The following SAMD3 variants were observed in gnomAD, a reference collection of about 807,000 sequenced individuals.
SAMD3 encodes the protein sterile alpha motif domain-containing protein 3.
SAMD3 carries 63 observed loss-of-function variants against 58.5 expected under a neutral mutation model. That is an observed-to-expected ratio of 1.08 (90% CI 0.88 to 1.33). SAMD3 has a LOEUF of 1.33. SAMD3 is among the 40% of genes most tolerant of loss of function. The pLI is 0.00. For synonymous variants in SAMD3, 220 were observed against 210.3 expected (o/e 1.05, Z -0.40); for missense variants, 604 against 608.4 (o/e 0.99, Z 0.08).
intron 1 of SAMD3, among the ~76,000 whole-genome samples, chr6:130,334,730 G>A (rs1777049179): frequency 6.6e-6 from 1 of 152,146 alleles, no homozygotes; most frequent in Non-Finnish European, 1.5e-5. Flanking sequence ...AACAATGCTG[G>A]TTTCTTCCCC....
chr6:130,364,364 G>T (rs1424644262), intron 1 of SAMD3, among the ~76,000 whole-genome samples: 2 of 152,020 alleles, frequency 1.3e-5, no homozygotes, highest in Non-Finnish European at 2.9e-5. Context: ...TCTTAGAGAG[G>T]ATGTCACCTC....
intron 2 of SAMD3, among the ~76,000 whole-genome samples, chr6:130,272,659 A>C (rs899136074): frequency 6.6e-6 from 1 of 152,190 alleles, no homozygotes; most frequent in Non-Finnish European, 1.5e-5. Context: ...AGGTGGGATT[A>C]GTTTTTATTG....
chr6:130,164,629 T>C (rs1417231215), intron 8 of SAMD3, among the ~76,000 whole-genome samples: 1 of 152,092 alleles, frequency 6.6e-6, no homozygotes, highest in African/African-American at 2.4e-5. Flanking sequence ...CCCCACACTT[T>C]ATAGTGACAA....
chr6:130,202,207 C>T (rs1433337226), intron 5 of SAMD3, among the ~76,000 whole-genome samples: 1 of 152,152 alleles, frequency 6.6e-6, no homozygotes, highest in Non-Finnish European at 1.5e-5. Context: ...ATTAGGGTCC[C>T]TGCTCTAATA....
At chr6:130,243,431 AG>A (rs1773432827) in intron 2 of SAMD3, among the ~76,000 whole-genome samples, 1 of 152,178 alleles carries the variant, frequency 6.6e-6, no homozygotes, top group African/African-American at 2.4e-5. Flanking sequence ...AATACAAGAC[AG>A]AGGGGAAGAG....
At chr6:130,208,653 C>T (rs923302302) in intron 5 of SAMD3, among the ~76,000 whole-genome samples, 38 of 152,244 alleles carry the variant, frequency 2.5e-4, no homozygotes, top group African/African-American at 8.9e-4. Flanking sequence ...TTCCATCACC[C>T]CCAGATGGGA....
chr6:130,185,894 G>T lies in SAMD3; in HGVS notation c.384-1271C>A, dbSNP rs141619878. On this transcript the variant is annotated intron_variant, in intron 5 of 11. Transcript: ENST00000439090. Reference sequence around the variant, plus strand: ...GATCCTCTTGCTGTGGCTTCCCAAAGTGTCGGGATTACAGGCATGAGCCAA... The same window carrying T: ...GATCCTCTTGCTGTGGCTTCCCAAATTGTCGGGATTACAGGCATGAGCCAA... 3.5e-3 allele frequency among the ~76,000 whole-genome samples: 532 copies of T among 152,180 alleles called. 3 individuals are homozygous for T. Among genetic ancestry groups the T allele is most frequent in the African/African-American group, 0.011 (460 of 41,512 alleles).
chr6:130,217,825 C>T (rs1255073660), intron 1 of SAMD3, among the ~76,000 whole-genome samples: 1 of 152,178 alleles, frequency 6.6e-6, no homozygotes, highest in Admixed American at 6.5e-5. Flanking sequence ...CAAAAGATTC[C>T]TAAAAGTTTT....
intron 8 of SAMD3, among the ~76,000 whole-genome samples, chr6:130,157,264 TTA>T (rs1789876675): frequency 6.6e-6 from 1 of 151,778 alleles, no homozygotes; most frequent in Admixed American, 6.6e-5. Context: ...CCCTCTATGA[TTA>T]AAGAAAAAAA....
upstream of SAMD3, chr6:130,365,653 G>C: frequency 1.0e-6 from 1 of 985,432 alleles, no homozygotes. Context: ...AGCTAGAGGC[G>C]GGCCCCACGG....
chr6:130,154,979 C>G lies in SAMD3; in HGVS notation c.869G>C (p.Trp290Ser). 6.2e-7 allele frequency: 1 copy of G among 1,613,290 alleles called. No homozygotes were observed. Among genetic ancestry groups the G allele is most frequent in the Non-Finnish European group, 8.5e-7 (1 of 1,179,614 alleles). The change falls in exon 9 of 12, where the codon TGG becomes TCG. Residue 290 changes from tryptophan to serine, a missense_variant. Transcript: ENST00000439090. ...FDSELDEHIK[W>S]FQQEYVKTEK... ...TGTTTTCACGTATTCTTGCTGGAAC[C>G]ACTTAATATGTTCATCTAGCTCAGA...
chr6:130,222,196 T>C (rs909004193), intron 1 of SAMD3, among the ~76,000 whole-genome samples: 1 of 152,202 alleles, frequency 6.6e-6, no homozygotes, highest in Non-Finnish European at 1.5e-5. Context: ...ATTAAAAATA[T>C]TTCTACATTC....
chr6:130,219,654 T>C (rs986413546), intron 1 of SAMD3, among the ~76,000 whole-genome samples: 1 of 152,256 alleles, frequency 6.6e-6, no homozygotes, highest in African/African-American at 2.4e-5. Flanking sequence ...TCACTGCGAA[T>C]GCCATTAATT....
At chr6:130,335,019 C>G (rs898218913) in intron 1 of SAMD3, among the ~76,000 whole-genome samples, 2 of 152,208 alleles carry the variant, frequency 1.3e-5, no homozygotes, top group East Asian at 3.8e-4. Flanking sequence ...CAATATCAAT[C>G]ACCTTTGTCT....
At chr6:130,264,380 G>A (rs889715707) in intron 2 of SAMD3, among the ~76,000 whole-genome samples, 12 of 152,202 alleles carry the variant, frequency 7.9e-5, no homozygotes, top group African/African-American at 2.9e-4. Context: ...GATGTGATGA[G>A]TTTAAGAATT....
chr6:130,159,100 T>C (rs776771166), intron 8 of SAMD3, among the ~76,000 whole-genome samples: 2 of 152,192 alleles, frequency 1.3e-5, no homozygotes, highest in Non-Finnish European at 2.9e-5. Flanking sequence ...AAATCTCATC[T>C]TGTAGCTCCC....
chr6:130,191,278 TGAGAGGA>T (rs1433944393), intron 5 of SAMD3, among the ~76,000 whole-genome samples: 1 of 152,156 alleles, frequency 6.6e-6, no homozygotes, highest in Non-Finnish European at 1.5e-5. Context: ...GTGGTCTCCC[TGAGAGGA>T]GAGTTACTGC....
At chr6:130,354,621 G>T (rs1034464515) in intron 1 of SAMD3, among the ~76,000 whole-genome samples, 3 of 152,060 alleles carry the variant, frequency 2.0e-5, no homozygotes, top group African/African-American at 7.2e-5. Flanking sequence ...GGAGCTAAAT[G>T]ATGAGAAACA....
At chr6:130,188,373 C>G (rs923981531) in intron 5 of SAMD3, among the ~76,000 whole-genome samples, 1 of 152,152 alleles carries the variant, frequency 6.6e-6, no homozygotes, top group African/African-American at 2.4e-5. Flanking sequence ...GTTTAATCTC[C>G]AGTATATATA....
Sources: allele counts gnomAD v4.1 joint callset (sites outside exome capture counted in the v4.1 genomes callset), GRCh38; gene constraint gnomAD v4.1.1; transcripts MANE v1.5; gene names NCBI Gene and HGNC (gene_info 2026-07-23, HGNC 2026-07-21).